The following SH2D3C variants were observed in gnomAD, a reference collection of about 807,000 sequenced individuals.
The protein encoded by SH2D3C is SH2 domain-containing protein 3C.
In SH2D3C, 25 loss-of-function variants were observed where a neutral mutation model predicts 75.2. The observed-to-expected ratio is 0.33, with a 90% CI of 0.24 to 0.46. SH2D3C has a LOEUF of 0.46. Among genes scored for constraint, SH2D3C ranks in the 20% least tolerant of loss-of-function variants. The pLI is 1.00. For missense variants in SH2D3C, 933 were observed against 1,165.3 expected (o/e 0.80, Z 2.90); for synonymous variants, 450 against 473.7 (o/e 0.95, Z 0.65).
intron 6 of SH2D3C, among the ~76,000 whole-genome samples, chr9:127,745,350 A>AC (rs1314948536): frequency 6.6e-6 from 1 of 150,678 alleles, no homozygotes; most frequent in Non-Finnish European, 1.5e-5. Flanking sequence ...AGCCTTGGGG[A>AC]CCCACTGCTT....
chr9:127,777,137 G>C (rs936741106), intron 1 of SH2D3C, among the ~76,000 whole-genome samples: 32 of 151,508 alleles, frequency 2.1e-4, no homozygotes, highest in Admixed American at 9.2e-4. Context: ...AGTCATAATC[G>C]CCTCAGCATT....
In SH2D3C at chr9:127,754,625, C is replaced by T. The variant is rs997998996; in HGVS notation, c.556-3325G>A. Among the ~76,000 whole-genome samples the T allele has an allele frequency of 5.3e-5, 8 of 152,180 alleles. No homozygotes were observed. Among genetic ancestry groups the T allele is most frequent in the Admixed American group, 4.6e-4 (7 of 15,282 alleles). ...GGGTGGCGGGCGCTCTGGCCCCAACCCTGGCATCCGAAGCATCCCCCGCGT... is the reference window on the plus strand; with the variant it reads ...GGGTGGCGGGCGCTCTGGCCCCAACTCTGGCATCCGAAGCATCCCCCGCGT... On this transcript the variant is annotated intron_variant, in intron 3 of 11. Coordinates refer to ENST00000314830, the MANE Select transcript of SH2D3C (RefSeq NM_170600.3). The surrounding 1 kb of genome is among the most constrained non-coding windows in gnomAD (Gnocchi z 4.4).
At position 127,762,236 on chromosome 9, in the gene SH2D3C, C is replaced by T; in HGVS notation, c.516-586G>A. 3.3e-6 allele frequency: 4 copies of T among 1,210,002 alleles called. No individual in the cohort carries two copies. In the South Asian group the frequency reaches 6.0e-5, roughly 18 times the overall value. 75.0% of individuals were successfully genotyped at this position (1,210,002 alleles called of 1,614,324 possible). On this transcript the variant is annotated intron_variant, in intron 2 of 11. Transcript: ENST00000314830. The stretch of plus-strand genomic sequence containing the variant: ...TTGATTCTGCCCCCAGGGTGGAGAG[C>T]CTGGAGAGGCCAGAGGCCAGAGACG...
chr9:127,751,498 A>T lies in SH2D3C; in HGVS notation c.556-198T>A, dbSNP rs7036428. Among the ~76,000 whole-genome samples, 11,834 of 152,304 alleles carry T rather than the reference A, an allele frequency of 0.078. 1,032 individuals are homozygous for T. The highest frequency in any genetic ancestry group is 0.21 in the African/African-American group (8,898 of 41,548). Reference sequence around the variant, plus strand: ...CCTTCCACAAAACAATGCCAGCTGCATTCCAGGCCCTGTGCTATATGCCAG... The same window carrying T: ...CCTTCCACAAAACAATGCCAGCTGCTTTCCAGGCCCTGTGCTATATGCCAG... On this transcript the variant is annotated intron_variant, in intron 3 of 11. Coordinates refer to ENST00000314830, the MANE Select transcript of SH2D3C (RefSeq NM_170600.3). This position sits in a 1 kb window ranked among gnomAD's most constrained non-coding sequence, Gnocchi z 4.1.
rs529666449 is a variant in SH2D3C, at chr9:127,739,673, G to T, written c.2407+9C>A. 4.4e-6 allele frequency: 7 copies of T among 1,592,600 alleles called. No individual in the cohort carries two copies. The highest frequency in any genetic ancestry group is 1.3e-5 in the African/African-American group (1 of 74,652). On this transcript the variant is annotated intron_variant, in intron 11 of 11. Coordinates refer to ENST00000314830, the MANE Select transcript of SH2D3C (RefSeq NM_170600.3). This position sits in a 1 kb window ranked among gnomAD's most constrained non-coding sequence, Gnocchi z 4.3. The stretch of plus-strand genomic sequence containing the variant: ...CTGCAAGCCCCCCAAGATGCCACCC[G>T]CCACTCACCCTGCAGCTTGACTTCA...
chr9:127,771,357 G>T, intron 2 of SH2D3C: 1 of 1,354,512 alleles, frequency 7.4e-7, no homozygotes, highest in Non-Finnish European at 9.5e-7. Context: ...TGTAGACCAC[G>T]CCCCCAGACA....
In SH2D3C at chr9:127,742,907, C is replaced by T. The variant is rs374235995; in HGVS notation, c.1858G>A (p.Gly620Ser). 1.2e-6 allele frequency: 2 copies of T among 1,614,008 alleles called. No individual in the cohort carries two copies. Among genetic ancestry groups the T allele is most frequent in the Non-Finnish European group, 8.5e-7 (1 of 1,179,948 alleles). The change falls in exon 8 of 12, where the codon GGC becomes AGC. Residue 620 changes from glycine (G) to serine (S), a missense_variant. Coordinates refer to ENST00000314830, the MANE Select transcript of SH2D3C (RefSeq NM_170600.3). Reference protein sequence around the residue: ...EMQTLMGVRWGMELLTLPHGR... With the variant: ...EMQTLMGVRWSMELLTLPHGR... ...TGGGGGAGGGTGAGCAGTTCCATGC[C>T]CCAGCGGACTCCCATTAGGGTCTGC...
At chr9:127,769,473 G>C (rs1043632094) in intron 2 of SH2D3C, among the ~76,000 whole-genome samples, 1 of 151,442 alleles carries the variant, frequency 6.6e-6, no homozygotes, top group Non-Finnish European at 1.5e-5. Flanking sequence ...AGAAACTACG[G>C]CTCTACTAAA....
chr9:127,743,048 G>A, intron 7 of SH2D3C, 84 bp from the exon 8 acceptor site: 1 of 932,282 alleles, frequency 1.1e-6, no homozygotes, highest in Non-Finnish European at 1.6e-6. Flanking sequence ...TATCTAAGGG[G>A]GTAGGTAGCC....
chr9:127,759,647 G>T (rs561222735), intron 3 of SH2D3C, among the ~76,000 whole-genome samples: 153 of 152,256 alleles, frequency 1.0e-3, no homozygotes, highest in African/African-American at 3.6e-3. Context: ...CCAGGCTTTT[G>T]AGACCAGCCT....
chr9:127,757,385 C>T (rs1235687818), intron 3 of SH2D3C, among the ~76,000 whole-genome samples: 1 of 151,256 alleles, frequency 6.6e-6, no homozygotes, highest in African/African-American at 2.4e-5. Flanking sequence ...ATTCTCTTGC[C>T]TCAGCCTCCC....
At chr9:127,764,696 T>TTTG (rs762740248) in intron 2 of SH2D3C, among the ~76,000 whole-genome samples, 70 of 151,946 alleles carry the variant, frequency 4.6e-4, no homozygotes, top group South Asian at 1.5e-3. Flanking sequence ...CCTCCTGCTC[T>TTTG]TTGTTGTTGT....
chr9:127,758,628 G>A (rs965512570), intron 3 of SH2D3C, among the ~76,000 whole-genome samples: 5 of 152,152 alleles, frequency 3.3e-5, no homozygotes, highest in Admixed American at 1.3e-4. Context: ...CTGGGCTCAC[G>A]CAGTTTACTT....
At chr9:127,757,721 T>C (rs1465500523) in intron 3 of SH2D3C, among the ~76,000 whole-genome samples, 1 of 151,064 alleles carries the variant, frequency 6.6e-6, no homozygotes, top group African/African-American at 2.4e-5. Flanking sequence ...CGGCAAGATC[T>C]CAGCTCACTG....
rs1195361335 is a variant in SH2D3C at position 127,751,909 on chromosome 9, G to T, written c.556-609C>A. Among the ~76,000 whole-genome samples, 1 of 152,154 alleles carries T rather than the reference G, an allele frequency of 6.6e-6. No individual in the cohort carries two copies. The highest frequency in any genetic ancestry group is 6.5e-5 in the Admixed American group (1 of 15,272). On this transcript the variant is annotated intron_variant, in intron 3 of 11. Coordinates refer to ENST00000314830, the MANE Select transcript of SH2D3C (RefSeq NM_170600.3). This position sits in a 1 kb window ranked among gnomAD's most constrained non-coding sequence, Gnocchi z 4.1. ...GGATGGTGCATTCTACAATGCAAGGGTGGGGAAGGGACTATAAACAGGGAC... is the reference window on the plus strand; with the variant it reads ...GGATGGTGCATTCTACAATGCAAGGTTGGGGAAGGGACTATAAACAGGGAC...
intron 6 of SH2D3C, among the ~76,000 whole-genome samples, chr9:127,745,811 A>T (rs1376399603): frequency 6.6e-6 from 1 of 152,076 alleles, no homozygotes; most frequent in Non-Finnish European, 1.5e-5. Context: ...AGCAATAATG[A>T]TTTGTTGCTA....
rs1844755631 is a variant in SH2D3C at position 127,738,688 on chromosome 9, T to C, written c.*58A>G. On this transcript the variant is annotated 3_prime_UTR_variant, in exon 12 of 12. Transcript: ENST00000314830. The surrounding 1 kb of genome is among the most constrained non-coding windows in gnomAD (Gnocchi z 5.0). ...GTCCTTGGGGTGCTCTGGGGAAAGT[T>C]GTGTGCCCCTCTGCCCCTGACGCTG... The C allele has an allele frequency of 6.8e-7, 1 of 1,476,174 alleles. No homozygotes were observed. The highest frequency in any genetic ancestry group is 9.1e-7 in the Non-Finnish European group (1 of 1,102,756). The allele number at this position is 1,476,174 out of a possible 1,614,324, so 91.4% of individuals were successfully genotyped here.
In SH2D3C at chr9:127,738,796, T is replaced by A; in HGVS notation, c.2533A>T (p.Thr845Ser). ...GGTTCCAGCTTGTGGGACAGGGCAG[T>A]GAGGACCTTGTCGAACTTCTCATAG... ...RRYEKFDKVL[T>S]ALSHKLEPAV... is the part of the protein sequence containing the mutation. The change falls in exon 12 of 12, where the codon ACT (threonine) becomes TCT (serine). Residue 845 changes from threonine to serine, a missense_variant. Thr to Ser is a moderately conservative substitution (Grantham distance 58, BLOSUM62 1). Transcript: ENST00000314830. The surrounding 1 kb of genome is among the most constrained non-coding windows in gnomAD (Gnocchi z 5.0). The A allele has an allele frequency of 6.2e-7, 1 of 1,609,342 alleles. No individual in the cohort carries two copies. Among genetic ancestry groups the A allele is most frequent in the Non-Finnish European group, 8.5e-7 (1 of 1,178,176 alleles).
intron 2 of SH2D3C, among the ~76,000 whole-genome samples, chr9:127,766,470 T>C (rs1267756798): frequency 2.0e-5 from 3 of 152,222 alleles, no homozygotes; most frequent in African/African-American, 7.2e-5. Context: ...CATGTGGGGC[T>C]CCTCTTGTTG....
Sources: gnomAD v4.1 joint callset for allele counts (sites outside exome capture counted in the v4.1 genomes callset) on GRCh38, gnomAD v4.1.1 for gene constraint, Gnocchi (gnomAD v3.1) non-coding constraint, MANE v1.5 for transcripts, NCBI Gene and HGNC (gene_info 2026-07-23, HGNC 2026-07-21) for gene names.